The following FAM20C variants were observed in gnomAD, a reference collection of about 807,000 sequenced individuals.
FAM20C encodes extracellular serine/threonine protein kinase FAM20C.
A neutral mutation model predicts 51.5 loss-of-function variants in FAM20C; 40 were observed. The ratio of observed to expected loss-of-function variants is 0.78; its 90% CI spans 0.60 to 1.01. The LOEUF (loss-of-function observed/expected upper bound fraction) is 1.01. Among genes scored for constraint, FAM20C ranks in the 50% least tolerant of loss-of-function variants. The probability of loss-of-function intolerance (pLI) is 0.00; values close to 1 mark genes in which losing one functional copy is unlikely to be tolerated. For synonymous variants in FAM20C, 406 were observed against 380.6 expected (o/e 1.07, Z -0.78); for missense variants, 861 against 844.7 (o/e 1.02, Z -0.24).
chr7:197,831 C>A (rs1026623809), intron 2 of FAM20C, among the ~76,000 whole-genome samples: 17 of 152,166 alleles, frequency 1.1e-4, no homozygotes, highest in African/African-American at 3.6e-4. Flanking sequence ...GAGTGTGGGG[C>A]CCCCTGGGAC....
intron 3 of FAM20C, among the ~76,000 whole-genome samples, chr7:213,413 G>A (rs972966869): frequency 6.6e-6 from 1 of 152,248 alleles, no homozygotes; most frequent in African/African-American, 2.4e-5. Context: ...TCCTTTGTGA[G>A]TGACACGTTT....
intron 3 of FAM20C, among the ~76,000 whole-genome samples, chr7:243,944 A>AATAATAATAATAATAATTATTATTATT (rs771341264): frequency 7.3e-6 from 1 of 136,844 alleles, no homozygotes; most frequent in African/African-American, 2.7e-5. Context: ...TAATAATAAT[A>AATAATAATAATAATAATTATTATTATT]ATTATTATTA....
At chr7:194,011 G>A (rs1785727352) in intron 1 of FAM20C, 2 of 796,378 alleles carry the variant, frequency 2.5e-6, no homozygotes, top group East Asian at 6.3e-5. Flanking sequence ...GGCTGGTCCG[G>A]GAGCTGTGCC....
chr7:242,299 G>A (rs908861958), intron 3 of FAM20C, among the ~76,000 whole-genome samples: 103 of 152,368 alleles, frequency 6.8e-4, no homozygotes, highest in African/African-American at 2.5e-3. Context: ...CAGACCTGGA[G>A]ATGTGCTGTC....
chr7:235,573 A>AC (rs1246801336), intron 3 of FAM20C, among the ~76,000 whole-genome samples: 1 of 152,090 alleles, frequency 6.6e-6, no homozygotes, highest in Non-Finnish European at 1.5e-5. Context: ...GCAAAACCAG[A>AC]CCCCCTCCCT....
intron 5 of FAM20C, among the ~76,000 whole-genome samples, chr7:250,769 G>A (rs186927846): frequency 5.8e-4 from 88 of 152,358 alleles, no homozygotes; most frequent in African/African-American, 2.0e-3. Flanking sequence ...GCTGGGCTCC[G>A]CTCCAGTGAT....
chr7:234,234 C>T (rs1205411061), intron 3 of FAM20C, among the ~76,000 whole-genome samples: 2 of 152,258 alleles, frequency 1.3e-5, no homozygotes, highest in Admixed American at 6.5e-5. Flanking sequence ...CCTCCTCGTG[C>T]CCTCAGTGGG....
chr7:214,942 C>T (rs1481682680), intron 3 of FAM20C, among the ~76,000 whole-genome samples: 3 of 152,110 alleles, frequency 2.0e-5, no homozygotes, highest in Admixed American at 6.5e-5. Context: ...CCTGGCCTCC[C>T]GCCAGGCACT....
intron 2 of FAM20C, among the ~76,000 whole-genome samples, 159 bp from the exon 3 acceptor site, chr7:208,739 C>T (rs1472196268): frequency 6.6e-6 from 1 of 152,134 alleles, no homozygotes; most frequent in African/African-American, 2.4e-5. Context: ...ATCAGCCAGG[C>T]GAGAGCTTCA....
At chr7:216,672 AGTGTGTGTGAGAGTGTGT>A (rs1786991089) in intron 3 of FAM20C, among the ~76,000 whole-genome samples, 1 of 104,698 alleles carries the variant, frequency 9.6e-6, no homozygotes, top group African/African-American at 3.6e-5. Context: ...TGAGAGACAG[AGTGTGTGTGAGAGTGTGT>A]GTGTGTGTGA....
chr7:205,863 C>T (rs1786355912), intron 2 of FAM20C, among the ~76,000 whole-genome samples: 1 of 152,154 alleles, frequency 6.6e-6, no homozygotes, highest in East Asian at 1.9e-4. Context: ...TGTCCTCACG[C>T]TGACCCTCCC....
rs140130809 is a variant in FAM20C at position 248,271 on chromosome 7, G to C, written c.957-44G>C. 1.4e-3 allele frequency: 2,039 copies of C among 1,424,896 alleles called. 9 individuals are homozygous for C. The African/African-American group carries it at 0.026, about 18-fold the overall frequency. The allele number at this position is 1,424,896 out of a possible 1,614,324, so 88.3% of individuals were successfully genotyped here. On this transcript the variant is annotated intron_variant, in intron 4 of 9. Transcript: ENST00000313766. The stretch of plus-strand genomic sequence containing the variant: ...GGAGGCAGGGACACAGAGGCCCGCT[G>C]AGCCGCACAGAGCACAGACCATTCC...
At chr7:247,124 A>AG (rs901083874) in intron 4 of FAM20C, among the ~76,000 whole-genome samples, 2 of 152,158 alleles carry the variant, frequency 1.3e-5, no homozygotes, top group African/African-American at 4.8e-5. Flanking sequence ...CTTCCTAAGG[A>AG]GGGGGAAGCG....
At chr7:258,739 C>A in intron 9 of FAM20C, 34 bp downstream of exon 9, 1 of 1,523,916 alleles carries the variant, frequency 6.6e-7, no homozygotes, top group South Asian at 1.2e-5. Context: ...TCCAGCTCCA[C>A]CCTCCTCCCT....
chr7:248,975 G>A (rs536027124), intron 5 of FAM20C, among the ~76,000 whole-genome samples: 2 of 152,242 alleles, frequency 1.3e-5, no homozygotes, highest in African/African-American at 2.4e-5. Flanking sequence ...TTCCACACCC[G>A]GAGTGCCAGC....
At chr7:236,801 C>T (rs1003591369) in intron 3 of FAM20C, among the ~76,000 whole-genome samples, 1 of 140,404 alleles carries the variant, frequency 7.1e-6, no homozygotes, top group African/African-American at 2.7e-5. Flanking sequence ...TCTGGGGTCC[C>T]GGTGGCTGTC....
intron 3 of FAM20C, among the ~76,000 whole-genome samples, chr7:244,852 G>C (rs1788084378): frequency 6.6e-6 from 1 of 152,232 alleles, no homozygotes; most frequent in Non-Finnish European, 1.5e-5. Flanking sequence ...TAGCAGCAGA[G>C]ACTAGTTCTT....
At chr7:212,012 G>T (rs938514781) in intron 3 of FAM20C, among the ~76,000 whole-genome samples, 1 of 152,198 alleles carries the variant, frequency 6.6e-6, no homozygotes, top group Non-Finnish European at 1.5e-5. Flanking sequence ...GTCATTGATG[G>T]AGGTCCTGCA....
chr7:256,497 G>A (rs780200066), intron 6 of FAM20C, 157 bp from the exon 7 acceptor site: 49 of 652,540 alleles, frequency 7.5e-5, no homozygotes, highest in East Asian at 1.4e-4. Flanking sequence ...TCCCACACCC[G>A]TGCTCCCGCT....
Sources: gnomAD v4.1 joint callset for allele counts (sites outside exome capture counted in the v4.1 genomes callset) on GRCh38, gnomAD v4.1.1 for gene constraint, MANE v1.5 for transcripts, NCBI Gene and HGNC (gene_info 2026-07-23, HGNC 2026-07-21) for gene names.